The following ARHGAP26 variants were observed in gnomAD, a reference collection of about 807,000 sequenced individuals.
ARHGAP26 encodes Rho GTPase activating protein 26, also known as rho GTPase-activating protein 26.
In ARHGAP26, 38 loss-of-function variants were observed where a neutral mutation model predicts 104.8. The observed-to-expected ratio is 0.36, with a 90% CI of 0.28 to 0.48. The LOEUF is 0.48. Ranked by LOEUF, ARHGAP26 falls within the 20% of genes least tolerant of loss-of-function variation. The pLI, the probability that ARHGAP26 is intolerant of heterozygous loss-of-function variation, is 0.99. For missense variants in ARHGAP26, 704 were observed against 947.9 expected, an observed-to-expected ratio of 0.74 and a Z score of 3.38; for synonymous variants, 341 against 340.0, an observed-to-expected ratio of 1.00 and a Z score of -0.03.
At chr5:142,793,777 G>A (rs550902865) in intron 1 of ARHGAP26, among the ~76,000 whole-genome samples, 19 of 152,010 alleles carry the variant, frequency 1.2e-4, no homozygotes, top group African/African-American at 3.6e-4. Flanking sequence ...AAGTAGATAC[G>A]GGGTTTCTCC....
chr5:142,880,458 C>T (rs1286521067), intron 4 of ARHGAP26, among the ~76,000 whole-genome samples: 5 of 151,638 alleles, frequency 3.3e-5, no homozygotes, highest in African/African-American at 1.2e-4. Context: ...GTGGAGGTTG[C>T]AGTGAGCCGA....
chr5:142,946,184 A>G (rs1463098683), intron 11 of ARHGAP26, among the ~76,000 whole-genome samples: 1 of 152,220 alleles, frequency 6.6e-6, no homozygotes, highest in Non-Finnish European at 1.5e-5. Context: ...TCAGTTTTGT[A>G]GATTTCCTTG....
chr5:142,937,007 T>C (rs1765519387), intron 11 of ARHGAP26, among the ~76,000 whole-genome samples: 1 of 152,124 alleles, frequency 6.6e-6, no homozygotes, highest in Admixed American at 6.6e-5. Flanking sequence ...AAATAAAAAA[T>C]GGATAAAATT....
intron 1 of ARHGAP26, chr5:142,867,891 G>A (rs1193738702): frequency 6.6e-6 from 1 of 152,070 alleles, no homozygotes; most frequent in Non-Finnish European, 1.5e-5. Context: ...CATTGAGTTG[G>A]GAGGTTCACC....
At chr5:142,888,394 T>C (rs2152413993) in intron 5 of ARHGAP26, among the ~76,000 whole-genome samples, 1 of 152,366 alleles carries the variant, frequency 6.6e-6, no homozygotes, top group Non-Finnish European at 1.5e-5. Context: ...TGATCATCCA[T>C]TTCAACTTTC....
At chr5:143,169,335 G>T (rs1486723320) in intron 20 of ARHGAP26, 1 of 152,204 alleles carries the variant, frequency 6.6e-6, no homozygotes, top group Non-Finnish European at 1.5e-5. Context: ...GTTTTCCATT[G>T]TGCAGGAACA....
chr5:143,031,041 GGACAC>G, intron 12 of ARHGAP26, among the ~76,000 whole-genome samples: 3 of 152,240 alleles, frequency 2.0e-5, no homozygotes, highest in Non-Finnish European at 2.9e-5. Context: ...CTTGAGGAAA[GGACAC>G]TTGAGGGTAA....
At chr5:143,123,798 G>T in intron 18 of ARHGAP26, among the ~76,000 whole-genome samples, 1 of 152,224 alleles carries the variant, frequency 6.6e-6, no homozygotes, top group East Asian at 1.9e-4. Flanking sequence ...CAAGGTTACA[G>T]TGAGCTATGA....
At chr5:143,183,212 G>A (rs1003274166) in intron 20 of ARHGAP26, among the ~76,000 whole-genome samples, 8 of 152,048 alleles carry the variant, frequency 5.3e-5, no homozygotes, top group Non-Finnish European at 1.2e-4. Flanking sequence ...TATTTACAGA[G>A]CTGAGGGGCA....
intron 18 of ARHGAP26, among the ~76,000 whole-genome samples, chr5:143,123,370 G>A (rs1186615594): frequency 6.6e-6 from 1 of 152,230 alleles, no homozygotes; most frequent in Non-Finnish European, 1.5e-5. Flanking sequence ...TGCTCCCTCA[G>A]TCTTTTTTGG....
intron 12 of ARHGAP26, among the ~76,000 whole-genome samples, chr5:143,027,912 A>G (rs1366122413): frequency 1.3e-5 from 2 of 152,200 alleles, no homozygotes; most frequent in African/African-American, 2.4e-5. Context: ...CAGAATCTGC[A>G]TTTCTACAAG....
At chr5:142,897,980 C>T (rs1288299408) in intron 6 of ARHGAP26, among the ~76,000 whole-genome samples, 1 of 152,168 alleles carries the variant, frequency 6.6e-6, no homozygotes, top group East Asian at 1.9e-4. Flanking sequence ...GGGAATCTTC[C>T]AGTCATGTAA....
chr5:142,801,373 A>G (rs2151961991), intron 1 of ARHGAP26, among the ~76,000 whole-genome samples: 1 of 152,206 alleles, frequency 6.6e-6, no homozygotes, highest in Non-Finnish European at 1.5e-5. Context: ...TCTTGTATGT[A>G]CTGTCATTCA....
chr5:143,196,970 G>A (rs1806952300), intron 20 of ARHGAP26, among the ~76,000 whole-genome samples: 1 of 152,190 alleles, frequency 6.6e-6, no homozygotes, highest in Non-Finnish European at 1.5e-5. Context: ...AGGATAGACT[G>A]TATATATCCC....
intron 20 of ARHGAP26, among the ~76,000 whole-genome samples, 191 bp from the exon 21 acceptor site, chr5:143,207,007 C>A (rs761027691): frequency 3.9e-5 from 6 of 152,214 alleles, no homozygotes; most frequent in Non-Finnish European, 8.8e-5. Context: ...CGAGGAATTA[C>A]AGAACAGACG....
In ARHGAP26 at chr5:142,997,719, A is replaced by G. The variant is rs560949140; in HGVS notation, c.1108-16361A>G. Among the ~76,000 whole-genome samples the G allele has an allele frequency of 2.6e-4, 39 of 151,884 alleles. No individual in the cohort carries two copies. In the South Asian group the frequency reaches 7.7e-3, roughly 30 times the overall value. On this transcript the variant is annotated intron_variant, in intron 11 of 22. Transcript: ENST00000645722. ...GGTGGGAGATACTGCACCTAGCCCA[A>G]TAAATGCCCTTTTCACACTCCATTT...
At chr5:143,156,775 G>T (rs1454610550) in intron 20 of ARHGAP26, among the ~76,000 whole-genome samples, 1 of 152,196 alleles carries the variant, frequency 6.6e-6, no homozygotes, top group African/African-American at 2.4e-5. Flanking sequence ...TCTGCCCGTG[G>T]CCTTTGGGAT....
chr5:142,962,587 C>A (rs1770448562), intron 11 of ARHGAP26, among the ~76,000 whole-genome samples: 1 of 151,986 alleles, frequency 6.6e-6, no homozygotes, highest in African/African-American at 2.4e-5. Flanking sequence ...GACTAACAGG[C>A]CTGAATGGTG....
intron 2 of ARHGAP26, among the ~76,000 whole-genome samples, chr5:142,874,385 G>A (rs1443291991): frequency 6.6e-6 from 1 of 152,238 alleles, no homozygotes; most frequent in African/African-American, 2.4e-5. Context: ...TTGAGTTCCT[G>A]TTGCCATGTA....
Sources: allele counts gnomAD v4.1 joint callset (sites outside exome capture counted in the v4.1 genomes callset), GRCh38; gene constraint gnomAD v4.1.1; transcripts MANE v1.5; gene names NCBI Gene and HGNC (gene_info 2026-07-23, HGNC 2026-07-21).